Variants in THEMIS observed in about 807,000 individuals in gnomAD.
THEMIS encodes the protein thymocyte selection associated, also known as protein THEMIS.
THEMIS carries 37 observed loss-of-function variants against 52.6 expected under a neutral mutation model. The ratio of observed to expected loss-of-function variants is 0.70; its 90% CI spans 0.54 to 0.93. THEMIS has a LOEUF of 0.93. Among genes scored for constraint, THEMIS ranks in the 40% least tolerant of loss-of-function variants. The pLI, the probability that THEMIS is intolerant of heterozygous loss-of-function variation, is 0.00. For synonymous variants in THEMIS, 292 were observed against 272.7 expected (o/e 1.07, Z -0.70); for missense variants, 808 against 763.1 (o/e 1.06, Z -0.69).
intron 1 of THEMIS, among the ~76,000 whole-genome samples, chr6:127,909,666 T>C (rs190994793): frequency 2.0e-5 from 3 of 152,174 alleles, no homozygotes; most frequent in Admixed American, 1.3e-4. Flanking sequence ...ATTAACAGTA[T>C]ATTTAACAGT....
chr6:127,872,985 T>C (rs1262981577), intron 1 of THEMIS, among the ~76,000 whole-genome samples: 1 of 152,226 alleles, frequency 6.6e-6, no homozygotes, highest in African/African-American at 2.4e-5. Flanking sequence ...AAAATCAGTT[T>C]TATTTCTGAA....
intron 4 of THEMIS, among the ~76,000 whole-genome samples, chr6:127,757,215 A>G (rs535440062): frequency 6.6e-6 from 1 of 152,308 alleles, no homozygotes; most frequent in Non-Finnish European, 1.5e-5. Context: ...CACCATCTAC[A>G]GCGTATTATG....
intron 4 of THEMIS, among the ~76,000 whole-genome samples, chr6:127,725,738 A>G (rs978214081): frequency 5.3e-5 from 8 of 152,130 alleles, no homozygotes; most frequent in African/African-American, 1.9e-4. Context: ...CTTTCTGCAC[A>G]GAATGTCTTC....
At chr6:127,850,320 A>G (rs1779376992) in intron 2 of THEMIS, among the ~76,000 whole-genome samples, 3 of 151,966 alleles carry the variant, frequency 2.0e-5, no homozygotes. Context: ...TACAACCACT[A>G]TGGAAAACAG....
At chr6:127,915,859 C>T (rs564094019) in intron 1 of THEMIS, among the ~76,000 whole-genome samples, 7 of 152,102 alleles carry the variant, frequency 4.6e-5, no homozygotes, top group Middle Eastern at 3.4e-3. Flanking sequence ...TGGTGGCACA[C>T]GCCTGTAATC....
At chr6:127,735,644 C>T (rs1202416823) in intron 4 of THEMIS, among the ~76,000 whole-genome samples, 2 of 152,124 alleles carry the variant, frequency 1.3e-5, no homozygotes, top group Non-Finnish European at 2.9e-5. Context: ...AGCCCAGGTA[C>T]TACAGAACAG....
chr6:127,742,326 AAAC>A (rs1191916611), intron 4 of THEMIS, among the ~76,000 whole-genome samples: 6 of 141,780 alleles, frequency 4.2e-5, no homozygotes, highest in African/African-American at 1.3e-4. Context: ...AAAAAAAAAA[AAAC>A]AAACAAAAAA....
chr6:127,727,724 T>A (rs888549286), intron 4 of THEMIS, among the ~76,000 whole-genome samples: 9 of 152,142 alleles, frequency 5.9e-5, no homozygotes, highest in African/African-American at 2.2e-4. Context: ...TTACTGTATA[T>A]AAATTATCAA....
At chr6:127,852,433 C>T (rs889789609) in intron 2 of THEMIS, among the ~76,000 whole-genome samples, 3 of 151,374 alleles carry the variant, frequency 2.0e-5, no homozygotes, top group African/African-American at 7.3e-5. Context: ...ATATATTCTT[C>T]TCAAGTGAAT....
rs1362491897 is a variant in THEMIS, at chr6:127,791,482, A to C, written c.1758+21401T>G. 5.9e-5 allele frequency among the ~76,000 whole-genome samples: 9 copies of C among 152,186 alleles called. No individual in the cohort carries two copies. In the East Asian group the frequency reaches 1.5e-3, roughly 26 times the overall value. On this transcript the variant is annotated intron_variant, in intron 4 of 5. Transcript: ENST00000368248. ...TTATGGGCTTAAGAGGGGAGAAAGT[A>C]GGTGCTGATCGGCCCGTGAGCAGTC...
chr6:127,808,308 G>A (rs1320000267), intron 4 of THEMIS, among the ~76,000 whole-genome samples: 2 of 152,012 alleles, frequency 1.3e-5, no homozygotes, highest in Non-Finnish European at 2.9e-5. Context: ...ATATATCCAC[G>A]ACAGGCAAAA....
chr6:127,877,132 A>G (rs1235192869), intron 1 of THEMIS, among the ~76,000 whole-genome samples: 3 of 152,182 alleles, frequency 2.0e-5, no homozygotes, highest in East Asian at 3.8e-4. Flanking sequence ...TCAGAGAGTC[A>G]TAATCTTTTT....
intron 4 of THEMIS, among the ~76,000 whole-genome samples, chr6:127,783,275 C>T (rs1776810715): frequency 6.6e-6 from 1 of 152,164 alleles, no homozygotes; most frequent in Non-Finnish European, 1.5e-5. Flanking sequence ...AGACCTAAAA[C>T]CTTAAAAATG....
At chr6:127,724,080 C>T (rs922081447) in intron 4 of THEMIS, among the ~76,000 whole-genome samples, 13 of 152,088 alleles carry the variant, frequency 8.5e-5, no homozygotes, top group African/African-American at 3.1e-4. Flanking sequence ...TATAGTCACA[C>T]TCACATGCAT....
chr6:127,731,371 T>C (rs1417026065), intron 4 of THEMIS, among the ~76,000 whole-genome samples: 2 of 152,002 alleles, frequency 1.3e-5, no homozygotes, highest in African/African-American at 4.8e-5. Context: ...GTAAATATAA[T>C]AAACAGATAT....
At chr6:127,884,788 T>A (rs1055965255) in intron 1 of THEMIS, among the ~76,000 whole-genome samples, 1 of 152,182 alleles carries the variant, frequency 6.6e-6, no homozygotes, top group Non-Finnish European at 1.5e-5. Context: ...AAGTTCAAGA[T>A]CAAGGTTCTG....
chr6:127,739,602 T>C (rs1267040654), intron 4 of THEMIS, among the ~76,000 whole-genome samples: 2 of 152,150 alleles, frequency 1.3e-5, no homozygotes, highest in Non-Finnish European at 2.9e-5. Context: ...ATAGCACCAC[T>C]GCACGCTAGC....
chr6:127,755,356 A>G (rs1419638541), intron 4 of THEMIS, among the ~76,000 whole-genome samples: 1 of 152,230 alleles, frequency 6.6e-6, no homozygotes, highest in African/African-American at 2.4e-5. Context: ...TCTGCTGAGA[A>G]AACAACAGAA....
At chr6:127,775,116 A>G (rs866334957) in intron 4 of THEMIS, among the ~76,000 whole-genome samples, 1 of 152,106 alleles carries the variant, frequency 6.6e-6, no homozygotes, top group African/African-American at 2.4e-5. Flanking sequence ...TAGGACCCAT[A>G]TATGTTCCCT....
Sources: gnomAD v4.1 joint callset for allele counts (sites outside exome capture counted in the v4.1 genomes callset) on GRCh38, gnomAD v4.1.1 for gene constraint, MANE v1.5 for transcripts, NCBI Gene and HGNC (gene_info 2026-07-23, HGNC 2026-07-21) for gene names.